INTS8: variants seen among roughly 807,000 people sequenced by gnomAD.
The protein encoded by INTS8 is protein kaonashi-1.
Under a neutral mutation model 138.9 loss-of-function variants are expected in INTS8, and 47 were observed. The observed-to-expected ratio is 0.34, with a 90% CI of 0.27 to 0.43. The LOEUF is 0.43. Among genes scored for constraint, INTS8 ranks in the 20% least tolerant of loss-of-function variants. The probability of loss-of-function intolerance (pLI) is 1.00; values close to 1 mark genes in which losing one functional copy is unlikely to be tolerated. For missense variants in INTS8, 996 were observed against 1,173.0 expected, an observed-to-expected ratio of 0.85 and a Z score of 2.20; for synonymous variants, 392 against 400.9, an observed-to-expected ratio of 0.98 and a Z score of 0.27.
chr8:94,875,537 A>G (rs1191330237), intron 23 of INTS8, among the ~76,000 whole-genome samples: 1 of 152,200 alleles, frequency 6.6e-6, no homozygotes, highest in Non-Finnish European at 1.5e-5. Context: ...TTTAAATTAC[A>G]TAGTGGTGAT....
At chr8:94,878,671 T>G (rs1033683810) in intron 26 of INTS8, among the ~76,000 whole-genome samples, 5 of 152,192 alleles carry the variant, frequency 3.3e-5, no homozygotes, top group African/African-American at 1.2e-4. Context: ...TGTCTGTGCC[T>G]CCACCTCCAG....
intron 6 of INTS8, among the ~76,000 whole-genome samples, chr8:94,833,553 G>A (rs767415688): frequency 6.6e-6 from 1 of 151,874 alleles, no homozygotes; most frequent in South Asian, 2.1e-4. Flanking sequence ...AGTGTTACTG[G>A]TATGTAGTAT....
chr8:94,832,174 G>C lies in INTS8; in HGVS notation c.753G>C (p.Gln251His). The change falls in exon 6 of 27, where the codon CAG becomes CAC. Residue 251 changes from glutamine (Q) to histidine (H), a missense_variant and splice_region_variant. Coordinates refer to ENST00000523731, the MANE Select transcript of INTS8 (RefSeq NM_017864.4). Reference protein sequence around the residue: ...LKVKTEEMQCQVCYDLGAAYF... With the variant: ...LKVKTEEMQCHVCYDLGAAYF... ...TCAAAACCGAAGAAATGCAGTGCCA[G>C]GTATTCATTTGATACTTAATTTACG... 2 of 1,608,020 alleles carry C rather than the reference G, an allele frequency of 1.2e-6. No individual in the cohort carries two copies. Among genetic ancestry groups the C allele is most frequent in the Non-Finnish European group, 1.7e-6 (2 of 1,178,354 alleles).
Position 94,881,362 on chromosome 8 carries a change from A to G in INTS8, c.*1128A>G, listed in dbSNP as rs28399587. ...ATTAAAGGAAAAACATTGCTATGGTATAGACTGTGGTTGGCTTCTATCCAG... is the reference window on the plus strand; with the variant it reads ...ATTAAAGGAAAAACATTGCTATGGTGTAGACTGTGGTTGGCTTCTATCCAG... On this transcript the variant is annotated 3_prime_UTR_variant, in exon 27 of 27. Coordinates refer to ENST00000523731, the MANE Select transcript of INTS8 (RefSeq NM_017864.4). The G allele has an allele frequency of 0.032, 15,605 of 491,286 alleles. 297 individuals are homozygous for G. Among genetic ancestry groups the G allele is most frequent in the African/African-American group, 0.044 (2,241 of 51,126 alleles). The allele number at this position is 491,286 out of a possible 1,614,324, so 30.4% of individuals were successfully genotyped here. A position where few individuals can be genotyped will look rare whatever the true frequency, so the allele number is the denominator to read the frequency against.
At chr8:94,860,246 A>T (rs1440092500) in intron 16 of INTS8, 1 of 151,424 alleles carries the variant, frequency 6.6e-6, no homozygotes, top group Non-Finnish European at 1.5e-5. Flanking sequence ...CACTCTGAGT[A>T]AGTAGTGGGT....
intron 14 of INTS8, among the ~76,000 whole-genome samples, chr8:94,854,204 T>C (rs1219690013): frequency 7.0e-6 from 1 of 143,096 alleles, no homozygotes; most frequent in East Asian, 2.0e-4. Flanking sequence ...ATAGTCCATC[T>C]CGGAAAAAAA....
intron 16 of INTS8, 161 bp downstream of exon 16, chr8:94,859,793 C>A: frequency 1.7e-6 from 1 of 584,966 alleles, no homozygotes; most frequent in Non-Finnish European, 3.0e-6. Flanking sequence ...ATAATTCATG[C>A]ACTTGACCTT....
chr8:94,866,045 T>C (rs1406604858), intron 17 of INTS8, 113 bp from the exon 18 acceptor site: 2 of 574,560 alleles, frequency 3.5e-6, no homozygotes, highest in Admixed American at 3.3e-5. Flanking sequence ...ACATTCCTTT[T>C]CACACTTGCA....
chr8:94,861,514 G>A (rs1815981888), intron 16 of INTS8, among the ~76,000 whole-genome samples: 2 of 151,788 alleles, frequency 1.3e-5, no homozygotes, highest in African/African-American at 4.8e-5. Flanking sequence ...GCCCGCCTTG[G>A]CCTCCCAAAG....
rs116770063 is a variant in INTS8, at chr8:94,880,025, C to T, written c.2872-93C>T. The T allele has an allele frequency of 1.0e-3, 841 of 801,650 alleles. 5 individuals are homozygous for T. In the African/African-American group the frequency reaches 0.013, roughly 13 times the overall value. The allele number at this position is 801,650 out of a possible 1,614,324, so 49.7% of individuals were successfully genotyped here. On this transcript the variant is annotated intron_variant, in intron 26 of 26. Coordinates refer to ENST00000523731, the MANE Select transcript of INTS8 (RefSeq NM_017864.4). The stretch of plus-strand genomic sequence containing the variant: ...GGTTCAGTTAATCATTAAACTGTAT[C>T]GTTGTTAGCACGTAGGTAGCTTTAT...
intron 8 of INTS8, among the ~76,000 whole-genome samples, chr8:94,839,100 TAGTA>T (rs780661946): frequency 2.6e-5 from 4 of 152,312 alleles, no homozygotes; most frequent in Middle Eastern, 3.4e-3. Flanking sequence ...CCCTTCCAAA[TAGTA>T]AGACTGAAGG....
intron 14 of INTS8, 59 bp from the exon 15 acceptor site, chr8:94,856,718 G>T: frequency 7.2e-7 from 1 of 1,382,890 alleles, no homozygotes; most frequent in South Asian, 1.2e-5. Context: ...CAACATAAAG[G>T]CACACATTTT....
intron 21 of INTS8, among the ~76,000 whole-genome samples, chr8:94,872,816 T>C (rs1816444291): frequency 6.6e-6 from 1 of 152,194 alleles, no homozygotes; most frequent in East Asian, 1.9e-4. Context: ...ATTTTTAAGA[T>C]TTTTTCCTAT....
At chr8:94,868,980 AT>A (rs765235187) in intron 20 of INTS8, among the ~76,000 whole-genome samples, 1,888 of 106,760 alleles carry the variant, frequency 0.018, 29 homozygotes, top group African/African-American at 0.055. Flanking sequence ...CCAGTTTTGG[AT>A]TTTTTTTTTT....
At chr8:94,866,306 T>C (rs527512115) in intron 18 of INTS8, 115 bp downstream of exon 18, 12 of 668,986 alleles carry the variant, frequency 1.8e-5, no homozygotes, top group East Asian at 3.0e-5. Context: ...TTAATTTTTT[T>C]TTAAGGGACA....
At chr8:94,855,764 A>G (rs1815723948) in intron 14 of INTS8, among the ~76,000 whole-genome samples, 2 of 152,210 alleles carry the variant, frequency 1.3e-5, no homozygotes, top group African/African-American at 4.8e-5. Context: ...GCAATTGGCA[A>G]CTGACTTAAT....
Position 94,827,336 on chromosome 8 carries a change from C to A in INTS8, c.379C>A (p.His127Asn). ...CISKVPPGTKHVDMDLATLPP... is the reference protein window; with the variant it reads ...CISKVPPGTKNVDMDLATLPP... ...CAGTAAAGTTCCTCCTGGGACAAAG[C>A]ATGTAGACATGGATCTGGCCACTTT... The change falls in exon 3 of 27, where the codon CAT becomes AAT. Residue 127 changes from histidine (H) to asparagine (N), a missense_variant. His to Asn is a moderately conservative substitution (Grantham distance 68). Coordinates refer to ENST00000523731, the MANE Select transcript of INTS8 (RefSeq NM_017864.4). 6.2e-7 allele frequency: 1 copy of A among 1,613,588 alleles called. No homozygotes were observed. Among genetic ancestry groups the A allele is most frequent in the Non-Finnish European group, 8.5e-7 (1 of 1,179,472 alleles).
chr8:94,849,051 A>G (rs751319619), intron 10 of INTS8, among the ~76,000 whole-genome samples: 2 of 152,058 alleles, frequency 1.3e-5, no homozygotes, highest in African/African-American at 2.4e-5. Context: ...CATTAGTTCT[A>G]TATTCATGAT....
chr8:94,876,492 A>G lies in INTS8; in HGVS notation c.2871+3A>G, dbSNP rs1309390013. The G allele has an allele frequency of 1.3e-6, 2 of 1,539,954 alleles. No homozygotes were observed. Among genetic ancestry groups the G allele is most frequent in the Non-Finnish European group, 1.8e-6 (2 of 1,121,260 alleles). ...AAACAGATAAAAGACAAATTGCAGT[A>G]AGTTACCTTATGCCTTTCTTCAGTG... On this transcript the variant is annotated splice_donor_region_variant and intron_variant, in intron 26 of 26. Coordinates refer to ENST00000523731, the MANE Select transcript of INTS8 (RefSeq NM_017864.4).
Sources: gnomAD v4.1 joint callset for allele counts (sites outside exome capture counted in the v4.1 genomes callset) on GRCh38, gnomAD v4.1.1 for gene constraint, MANE v1.5 for transcripts, NCBI Gene and HGNC (gene_info 2026-07-23, HGNC 2026-07-21) for gene names.